Variants in TMEM40 observed in about 807,000 individuals in gnomAD.
The protein encoded by TMEM40 is transmembrane protein 40.
Under a neutral mutation model 40.8 loss-of-function variants are expected in TMEM40, and 34 were observed. That is an observed-to-expected ratio of 0.83 (90% CI 0.63 to 1.11). TMEM40 has a LOEUF of 1.11. Among genes scored for constraint, TMEM40 ranks in the 50% least tolerant of loss-of-function variants. The pLI is 0.00. For missense variants in TMEM40, 296 were observed against 280.2 expected (o/e 1.06, Z -0.40); for synonymous variants, 106 against 107.0 (o/e 0.99, Z 0.06).
intron 1 of TMEM40, among the ~76,000 whole-genome samples, chr3:12,757,240 C>T (rs561739380): frequency 1.2e-4 from 19 of 152,148 alleles, no homozygotes; most frequent in Non-Finnish European, 1.8e-4. Context: ...GAGGCTGAGG[C>T]GGGCGGATCA....
rs746518517 is a variant in TMEM40 at position 12,740,085 on chromosome 3, A to ATATT, written c.356-1501_356-1498dup. 2.1e-3 allele frequency among the ~76,000 whole-genome samples: 315 copies of ATATT among 147,244 alleles called. 5 individuals are homozygous for ATATT. Among genetic ancestry groups the ATATT allele is most frequent in the African/African-American group, 6.3e-3 (254 of 40,566 alleles). On this transcript the variant is annotated intron_variant, in intron 5 of 11. Transcript: ENST00000314124. ...AAATTATAAATATTATATATTTATAATATTTATTTATTTATTTATTTATTT... is the reference window on the plus strand; with the variant it reads ...AAATTATAAATATTATATATTTATAATATTTATTTATTTATTTATTTATTTATTT...
At position 12,734,760 on chromosome 3, in the gene TMEM40, A is replaced by G. The variant is rs749797798; in HGVS notation, c.*14T>C. 20 of 1,593,472 alleles carry G rather than the reference A, an allele frequency of 1.3e-5. No individual in the cohort carries two copies. Among genetic ancestry groups the G allele is most frequent in the Non-Finnish European group, 1.7e-5 (20 of 1,170,768 alleles). ...ACACTGGGGCCTGCCTCTGCTGCCC[A>G]CCTGGAAGTGGCCTCAGTCAGTCTT... On this transcript the variant is annotated 3_prime_UTR_variant, in exon 12 of 12. Transcript: ENST00000314124.
intron 7 of TMEM40, 181 bp downstream of exon 7, chr3:12,737,955 C>T (rs1343589135): frequency 4.1e-5 from 39 of 956,038 alleles, no homozygotes; most frequent in Middle Eastern, 2.3e-4. Flanking sequence ...TCCTTAGGCC[C>T]GAGTCTGCCT....
intron 5 of TMEM40, among the ~76,000 whole-genome samples, chr3:12,742,230 AAAAC>A (rs2061389128): frequency 1.3e-5 from 2 of 152,090 alleles, no homozygotes; most frequent in Admixed American, 6.6e-5. Flanking sequence ...ACTCCGTCTC[AAAAC>A]AAACAAACAA....
rs148333091 is a variant in TMEM40 at position 12,745,162 on chromosome 3, C to T, written c.212-1173G>A. Among the ~76,000 whole-genome samples, 1,191 of 151,610 alleles carry T rather than the reference C, an allele frequency of 7.9e-3. 9 individuals are homozygous for T. Among genetic ancestry groups the T allele is most frequent in the Non-Finnish European group, 0.014 (920 of 67,950 alleles). On this transcript the variant is annotated intron_variant, in intron 3 of 11. Transcript: ENST00000314124. ...GCAACCTCCACCTCCCAGGCACAAG[C>T]GATTCTCTTGTCTCAGCCTCCTAAG...
chr3:12,762,480 C>T (rs1474055736), upstream of TMEM40, among the ~76,000 whole-genome samples: 1 of 152,156 alleles, frequency 6.6e-6, no homozygotes, highest in Non-Finnish European at 1.5e-5. Context: ...TCCAATTGCT[C>T]CTTTCTAATG....
intron 1 of TMEM40, among the ~76,000 whole-genome samples, chr3:12,764,360 T>C (rs908219802): frequency 2.6e-5 from 4 of 152,228 alleles, no homozygotes; most frequent in Non-Finnish European, 5.9e-5. Context: ...GGTTAAATGA[T>C]GTGCTCAAGG....
intron 10 of TMEM40, 54 bp downstream of exon 10, chr3:12,736,524 C>A (rs545286803): frequency 1.3e-6 from 2 of 1,525,946 alleles, no homozygotes; most frequent in African/African-American, 2.8e-5. Flanking sequence ...AATATTTCTA[C>A]CCACGACCCC....
intron 3 of TMEM40, among the ~76,000 whole-genome samples, chr3:12,747,183 G>A (rs1390267673): frequency 1.3e-5 from 2 of 151,256 alleles, no homozygotes; most frequent in South Asian, 2.1e-4. Flanking sequence ...CATAAGACCA[G>A]AGCTTTTTTT....
intron 3 of TMEM40, among the ~76,000 whole-genome samples, chr3:12,746,427 A>G (rs1055342484): frequency 1.3e-5 from 2 of 152,126 alleles, no homozygotes; most frequent in Non-Finnish European, 2.9e-5. Flanking sequence ...TATGCTCTAT[A>G]TTTTCTACAG....
intron 3 of TMEM40, among the ~76,000 whole-genome samples, chr3:12,744,418 A>G (rs1418493706): frequency 6.6e-6 from 1 of 152,144 alleles, no homozygotes; most frequent in Non-Finnish European, 1.5e-5. Context: ...GTTATTGAGA[A>G]GCTTAAGCTG....
chr3:12,735,839 C>T (rs907907415), intron 10 of TMEM40, among the ~76,000 whole-genome samples: 1 of 152,182 alleles, frequency 6.6e-6, no homozygotes, highest in African/African-American at 2.4e-5. Flanking sequence ...ATTCAGTTCC[C>T]AACTCCATTA....
chr3:12,740,279 A>G (rs112628602), intron 5 of TMEM40, among the ~76,000 whole-genome samples: 17,796 of 150,318 alleles, frequency 0.12, 2,999 homozygotes, highest in African/African-American at 0.38. Context: ...TAGTAGAGAC[A>G]GGGTTTTGCC....
At chr3:12,745,077 G>T (rs1393807344) in intron 3 of TMEM40, among the ~76,000 whole-genome samples, 2 of 151,302 alleles carry the variant, frequency 1.3e-5, no homozygotes, top group Non-Finnish European at 2.9e-5. Context: ...ATTTTTTTTT[G>T]AGACGGAATT....
chr3:12,743,344 G>A (rs2061397806), intron 4 of TMEM40, among the ~76,000 whole-genome samples: 1 of 152,102 alleles, frequency 6.6e-6, no homozygotes, highest in Non-Finnish European at 1.5e-5. Context: ...GCGCATGCCT[G>A]TAATCCTAGC....
At chr3:12,756,887 C>T (rs2061532975) in intron 1 of TMEM40, among the ~76,000 whole-genome samples, 1 of 152,020 alleles carries the variant, frequency 6.6e-6, no homozygotes, top group African/African-American at 2.4e-5. Flanking sequence ...CACATACACA[C>T]ACACAACTGA....
In TMEM40 at chr3:12,738,553, C is replaced by G. The variant is rs1303872903; in HGVS notation, c.391G>C (p.Gly131Arg). 7.4e-6 allele frequency: 12 copies of G among 1,613,972 alleles called. No homozygotes were observed. Among genetic ancestry groups the G allele is most frequent in the Non-Finnish European group, 1.0e-5 (12 of 1,180,006 alleles). The change falls in exon 6 of 12, where the codon GGA becomes CGA. Residue 131 changes from glycine to arginine, a missense_variant and splice_region_variant. Coordinates refer to ENST00000314124, the MANE Select transcript of TMEM40 (RefSeq NM_018306.4). ...PGEVVPSGES[G>R]LRRRGSDPAS... is the part of the protein sequence containing the mutation. ...CTCTCTCCTCTAACTGGACACTCAC[C>G]TGATTCCCCAGAGGGTACCACCTCT... is the stretch of plus-strand genomic sequence containing the variant.
chr3:12,751,938 T>C (rs1215835193), intron 1 of TMEM40, among the ~76,000 whole-genome samples: 4 of 152,202 alleles, frequency 2.6e-5, no homozygotes, highest in Non-Finnish European at 5.9e-5. Context: ...ACAGCACTTT[T>C]GGCTTAGTCC....
At chr3:12,747,075 C>T (rs1012306819) in intron 3 of TMEM40, among the ~76,000 whole-genome samples, 2 of 152,030 alleles carry the variant, frequency 1.3e-5, no homozygotes, top group Admixed American at 6.6e-5. Context: ...TGGCTACAAA[C>T]AAACCCACGG....
Sources: gnomAD v4.1 joint callset for allele counts (sites outside exome capture counted in the v4.1 genomes callset) on GRCh38, gnomAD v4.1.1 for gene constraint, MANE v1.5 for transcripts, NCBI Gene and HGNC (gene_info 2026-07-23, HGNC 2026-07-21) for gene names.